The following DPP6 variants were observed in gnomAD, a reference collection of about 807,000 sequenced individuals.
The protein encoded by DPP6 is A-type potassium channel modulatory protein DPP6.
Under a neutral mutation model 122.6 loss-of-function variants are expected in DPP6, and 69 were observed. The ratio of observed to expected loss-of-function variants is 0.56; its 90% confidence interval spans 0.46 to 0.69. The LOEUF is 0.69. Ranked by LOEUF, DPP6 falls within the 30% of genes least tolerant of loss-of-function variation. The probability of loss-of-function intolerance (pLI) is 0.00; values close to 1 mark genes in which losing one functional copy is unlikely to be tolerated. For missense variants in DPP6, 928 were observed against 1,116.9 expected, an observed-to-expected ratio of 0.83 and a Z score of 2.41; for synonymous variants, 418 against 433.1, an observed-to-expected ratio of 0.97 and a Z score of 0.43.
chr7:154,773,005 A>G (rs997825190), intron 10 of DPP6, 63 bp downstream of exon 10: 12 of 1,476,266 alleles, frequency 8.1e-6, no homozygotes, highest in Non-Finnish European at 9.9e-6. Context: ...TTCAATGTGC[A>G]TGGTCTCTTC....
the DPP6 span, among the ~76,000 whole-genome samples, chr7:153,829,164 G>C: frequency 6.6e-6 from 1 of 152,266 alleles, no homozygotes; most frequent in Non-Finnish European, 1.5e-5. Flanking sequence ...AACACTCAAA[G>C]TCTTTCCTGG....
intron 1 of DPP6, among the ~76,000 whole-genome samples, chr7:154,387,934 A>G (rs530965362): frequency 1.1e-5 from 1 of 92,152 alleles, no homozygotes; most frequent in Non-Finnish European, 2.6e-5. Flanking sequence ...GAGGTCAGGA[A>G]TTGCCTACTT....
intron 1 of DPP6, among the ~76,000 whole-genome samples, chr7:154,385,836 T>C (rs1192838171): frequency 1.3e-5 from 2 of 152,158 alleles, no homozygotes; most frequent in East Asian, 3.9e-4. Flanking sequence ...TGAGGGGTCA[T>C]TGCTAGGCAG....
At chr7:154,187,399 G>A (rs112096634) in intron 1 of DPP6, among the ~76,000 whole-genome samples, 69 of 152,272 alleles carry the variant, frequency 4.5e-4, no homozygotes, top group African/African-American at 1.6e-3. Context: ...GAATGTGCAC[G>A]AGAGCCAAAT....
intron 1 of DPP6, among the ~76,000 whole-genome samples, chr7:154,142,637 T>A (rs1163102604): frequency 6.6e-6 from 1 of 152,246 alleles, no homozygotes; most frequent in Non-Finnish European, 1.5e-5. Context: ...TACAGTTGAT[T>A]AATGTCACAT....
intron 1 of DPP6, among the ~76,000 whole-genome samples, chr7:154,296,595 C>G (rs1174702686): frequency 6.6e-6 from 1 of 152,156 alleles, no homozygotes; most frequent in East Asian, 1.9e-4. Flanking sequence ...TTACCGTTAT[C>G]TTGTCATGAA....
the DPP6 span, among the ~76,000 whole-genome samples, chr7:153,839,884 T>A: frequency 6.6e-6 from 1 of 152,298 alleles, no homozygotes; most frequent in Admixed American, 6.5e-5. Context: ...TTGCTACTGG[T>A]CTTGAGGTCC....
chr7:154,579,222 G>A (rs537091159), intron 5 of DPP6, among the ~76,000 whole-genome samples: 6 of 152,086 alleles, frequency 3.9e-5, no homozygotes, highest in South Asian at 2.1e-4. Flanking sequence ...GGTGGTGGGC[G>A]CCTATAATCA....
chr7:154,789,527 A>G (rs748069539), intron 10 of DPP6, among the ~76,000 whole-genome samples: 7 of 152,196 alleles, frequency 4.6e-5, no homozygotes, highest in Non-Finnish European at 8.8e-5. Context: ...AGAGATTTTC[A>G]ACATTCATTT....
At chr7:154,093,356 G>T (rs567424055) in intron 1 of DPP6, among the ~76,000 whole-genome samples, 2 of 139,468 alleles carry the variant, frequency 1.4e-5, no homozygotes, top group Admixed American at 7.4e-5. Flanking sequence ...GCATACACAT[G>T]CATGACACAT....
intron 1 of DPP6, among the ~76,000 whole-genome samples, chr7:154,396,649 C>T (rs563875679): frequency 7.9e-5 from 12 of 152,334 alleles, no homozygotes; most frequent in African/African-American, 2.6e-4. Flanking sequence ...AGAGTTATTA[C>T]GTGTTAGAGC....
At chr7:153,899,865 A>G (rs1585003159) in intron 1 of DPP6, among the ~76,000 whole-genome samples, 1 of 152,348 alleles carries the variant, frequency 6.6e-6, no homozygotes, top group African/African-American at 2.4e-5. Context: ...CTTTCTCATT[A>G]AGAGTTGAAG....
intron 1 of DPP6, among the ~76,000 whole-genome samples, chr7:153,976,065 G>T (rs1796285179): frequency 6.6e-6 from 1 of 152,176 alleles, no homozygotes; most frequent in African/African-American, 2.4e-5. Context: ...TACCTGCAGT[G>T]TGTGAGGTCT....
chr7:154,884,898 A>G (rs144335218), intron 21 of DPP6: 1 of 152,492 alleles, frequency 6.6e-6, no homozygotes, highest in Non-Finnish European at 1.5e-5. Flanking sequence ...CACATATCAC[A>G]CACACACACC....
At chr7:154,637,215 T>A (rs1356560905) in intron 5 of DPP6, among the ~76,000 whole-genome samples, 1 of 152,152 alleles carries the variant, frequency 6.6e-6, no homozygotes, top group Non-Finnish European at 1.5e-5. Flanking sequence ...GAAGCACTGT[T>A]TTTCTGGTTT....
chr7:154,503,723 T>G (rs1008545528), intron 3 of DPP6, among the ~76,000 whole-genome samples: 1 of 152,222 alleles, frequency 6.6e-6, no homozygotes, highest in Non-Finnish European at 1.5e-5. Context: ...TTTGATTTTT[T>G]GGGGTAAGGA....
At chr7:154,163,268 A>G (rs1394823186) in intron 1 of DPP6, among the ~76,000 whole-genome samples, 1 of 152,114 alleles carries the variant, frequency 6.6e-6, no homozygotes, top group Non-Finnish European at 1.5e-5. Context: ...TGTTGAGTAG[A>G]ACTCAACACC....
chr7:154,839,979 G>A (rs974539912), intron 16 of DPP6, among the ~76,000 whole-genome samples: 1 of 152,176 alleles, frequency 6.6e-6, no homozygotes, highest in East Asian at 1.9e-4. Flanking sequence ...GAGATGGGAG[G>A]TATTTAGCAG....
At chr7:154,369,235 A>G (rs1812438000) in intron 1 of DPP6, among the ~76,000 whole-genome samples, 1 of 151,450 alleles carries the variant, frequency 6.6e-6, no homozygotes, top group Non-Finnish European at 1.5e-5. Context: ...GCTGGGATTA[A>G]AGACACGCAC....
Sources: allele counts gnomAD v4.1 joint callset (sites outside exome capture counted in the v4.1 genomes callset), GRCh38; gene constraint gnomAD v4.1.1; transcripts MANE v1.5; gene names NCBI Gene and HGNC (gene_info 2026-07-23, HGNC 2026-07-21).